SCHIP1: variants seen among roughly 807,000 people sequenced by gnomAD.
SCHIP1 encodes schwannomin interacting protein 1.
A neutral mutation model predicts 29.7 loss-of-function variants in SCHIP1; 8 were observed. The observed-to-expected ratio is 0.27, with a 90% CI of 0.16 to 0.49. The LOEUF (loss-of-function observed/expected upper bound fraction) is 0.49. Among genes scored for constraint, SCHIP1 ranks in the 20% least tolerant of loss-of-function variants. The probability of loss-of-function intolerance (pLI) is 0.99; values close to 1 mark genes in which losing one functional copy is unlikely to be tolerated. For synonymous variants in SCHIP1, 76 were observed against 94.9 expected (o/e 0.80, Z 1.16); for missense variants, 193 against 294.6 (o/e 0.66, Z 2.52).
At chr3:159,495,803 A>T in the SCHIP1 span, among the ~76,000 whole-genome samples, 1 of 152,252 alleles carries the variant, frequency 6.6e-6, no homozygotes, top group Non-Finnish European at 1.5e-5. Context: ...TCACCAAGTC[A>T]ATCCTAAGCC....
chr3:159,572,066 T>C, the SCHIP1 span, among the ~76,000 whole-genome samples: 855 of 152,348 alleles, frequency 5.6e-3, 8 homozygotes, highest in African/African-American at 0.02. Flanking sequence ...GTTGATCTTT[T>C]CAAAAAACCA....
At chr3:159,707,506 A>G in the SCHIP1 span, among the ~76,000 whole-genome samples, 1 of 152,216 alleles carries the variant, frequency 6.6e-6, no homozygotes, top group Non-Finnish European at 1.5e-5. Flanking sequence ...AATGGACATG[A>G]AATGACAATG....
chr3:159,809,390 A>G, the SCHIP1 span, among the ~76,000 whole-genome samples: 201 of 152,220 alleles, frequency 1.3e-3, no homozygotes, highest in African/African-American at 4.7e-3. Context: ...TCTATCATTG[A>G]TGGACATTTG....
the SCHIP1 span, among the ~76,000 whole-genome samples, chr3:159,407,540 T>C: frequency 6.6e-6 from 1 of 152,118 alleles, no homozygotes; most frequent in South Asian, 2.1e-4. Context: ...ATGGACCCAA[T>C]AGATATTTAC....
At chr3:159,734,787 CTTTTTTT>C in the SCHIP1 span, among the ~76,000 whole-genome samples, 66 of 110,486 alleles carry the variant, frequency 6.0e-4, no homozygotes, top group South Asian at 6.2e-3. Flanking sequence ...CTTTTCTTGT[CTTTTTTT>C]TTTTTTTTTT....
chr3:159,764,275 G>T, the SCHIP1 span: 1 of 685,414 alleles, frequency 1.5e-6, no homozygotes, highest in East Asian at 3.0e-5. This position sits in a 1 kb window ranked among gnomAD's most constrained non-coding sequence, Gnocchi z 6.1. Context: ...GCGGGCAGGA[G>T]GGAAGCCTCA....
At chr3:159,886,171 C>G in intron 2 of SCHIP1, 36 bp from the exon 4 acceptor site, 1 of 1,607,532 alleles carries the variant, frequency 6.2e-7, no homozygotes, top group Non-Finnish European at 8.5e-7. Context: ...TAACAAACAG[C>G]TAAGTAGAAC....
At chr3:159,645,614 G>T in the SCHIP1 span, among the ~76,000 whole-genome samples, 1 of 152,260 alleles carries the variant, frequency 6.6e-6, no homozygotes, top group Non-Finnish European at 1.5e-5. Flanking sequence ...GGAGTGCGGA[G>T]AATGGATTGT....
chr3:159,368,717 G>A, the SCHIP1 span, among the ~76,000 whole-genome samples: 1 of 144,482 alleles, frequency 6.9e-6, no homozygotes, highest in Admixed American at 7.1e-5. Flanking sequence ...ACGTTAGTGG[G>A]CATGGTGAGA....
chr3:159,755,031 C>T, the SCHIP1 span, among the ~76,000 whole-genome samples: 8 of 152,138 alleles, frequency 5.3e-5, no homozygotes, highest in Non-Finnish European at 8.8e-5. Context: ...GTCAGGAGAT[C>T]GAGACCATCC....
At chr3:159,787,097 C>A in the SCHIP1 span, among the ~76,000 whole-genome samples, 1 of 152,062 alleles carries the variant, frequency 6.6e-6, no homozygotes, top group African/African-American at 2.4e-5. Flanking sequence ...AAACTTTGTA[C>A]CCCTTTTTAG....
chr3:159,745,161 G>A, the SCHIP1 span, among the ~76,000 whole-genome samples: 66 of 152,258 alleles, frequency 4.3e-4, 1 homozygote, highest in African/African-American at 1.5e-3. Context: ...CTGTTTACAT[G>A]CCTCAAATAG....
chr3:159,455,329 C>G, the SCHIP1 span, among the ~76,000 whole-genome samples: 1 of 152,160 alleles, frequency 6.6e-6, no homozygotes, highest in African/African-American at 2.4e-5. Context: ...AGACTCATAT[C>G]CCTGGAGGAC....
chr3:159,330,498 G>A, the SCHIP1 span, among the ~76,000 whole-genome samples: 1 of 152,102 alleles, frequency 6.6e-6, no homozygotes, highest in African/African-American at 2.4e-5. Context: ...ATTCGGCTTA[G>A]AGCATTCCAC....
intron 2 of SCHIP1, among the ~76,000 whole-genome samples, chr3:159,878,906 C>T (rs1716158100): frequency 6.7e-6 from 1 of 149,796 alleles, no homozygotes. Flanking sequence ...AATCCAAAGC[C>T]AACTGAAACT....
At chr3:159,639,609 A>G in the SCHIP1 span, among the ~76,000 whole-genome samples, 7 of 152,204 alleles carry the variant, frequency 4.6e-5, no homozygotes, top group African/African-American at 1.7e-4. Context: ...CAGTAAATCC[A>G]AAGAGGTTTG....
At chr3:159,458,523 T>C in the SCHIP1 span, among the ~76,000 whole-genome samples, 1 of 151,928 alleles carries the variant, frequency 6.6e-6, no homozygotes, top group Non-Finnish European at 1.5e-5. Context: ...TTTTAAAAGT[T>C]ACACAGTTAG....
the SCHIP1 span, among the ~76,000 whole-genome samples, chr3:159,729,343 C>T: frequency 6.6e-6 from 1 of 151,974 alleles, no homozygotes; most frequent in East Asian, 1.9e-4. Flanking sequence ...ACATATGTAA[C>T]TAATATTGTT....
chr3:159,690,788 G>A, the SCHIP1 span, among the ~76,000 whole-genome samples: 190 of 152,198 alleles, frequency 1.2e-3, no homozygotes, highest in African/African-American at 4.5e-3. Context: ...AGATTCTGGT[G>A]TGTTGTGTCT....
Sources: gnomAD v4.1 joint callset for allele counts (sites outside exome capture counted in the v4.1 genomes callset) on GRCh38, gnomAD v4.1.1 for gene constraint, Gnocchi (gnomAD v3.1) non-coding constraint, MANE v1.5 for transcripts, NCBI Gene and HGNC (gene_info 2026-07-23, HGNC 2026-07-21) for gene names.